GTF2A2: variants seen among roughly 807,000 people sequenced by gnomAD.
GTF2A2 encodes general transcription factor IIA subunit 2.
A neutral mutation model predicts 14.3 loss-of-function variants in GTF2A2; 9 were observed. The ratio of observed to expected loss-of-function variants is 0.63; its 90% CI spans 0.38 to 1.10. The LOEUF is 1.10. GTF2A2 is among the 50% of genes least tolerant of loss of function. The pLI, the probability that GTF2A2 is intolerant of heterozygous loss-of-function variation, is 0.01. For missense variants in GTF2A2, 90 were observed against 124.6 expected (o/e 0.72, Z 1.32); for synonymous variants, 56 against 46.0 (o/e 1.22, Z -0.88).
intron 3 of GTF2A2, among the ~76,000 whole-genome samples, chr15:59,643,328 C>A (rs1891495079): frequency 6.6e-6 from 1 of 151,904 alleles, no homozygotes; most frequent in Admixed American, 6.6e-5. Flanking sequence ...GATCTGCCCG[C>A]CGTGGCCTCC....
intron 3 of GTF2A2, among the ~76,000 whole-genome samples, chr15:59,644,580 G>A (rs954908886): frequency 2.0e-5 from 3 of 152,214 alleles, no homozygotes; most frequent in South Asian, 2.1e-4. Context: ...AGGTAAATAC[G>A]TAGTATAACA....
In GTF2A2 at chr15:59,640,788, T is replaced by C. The variant is rs1469668992; in HGVS notation, c.304+1348A>G. Among the ~76,000 whole-genome samples the C allele has an allele frequency of 3.3e-5, 5 of 152,272 alleles. No homozygotes were observed. In the East Asian group the frequency reaches 7.7e-4, roughly 23 times the overall value. On this transcript the variant is annotated intron_variant, in intron 4 of 4. Coordinates refer to ENST00000396060, the MANE Select transcript of GTF2A2 (RefSeq NM_004492.3). ...AAAAAATTGTACACAATTTCAAATA[T>C]AGAAATGTTATCTTGTGATTCAGGA...
At chr15:59,645,899 T>C (rs1346013044) in intron 3 of GTF2A2, among the ~76,000 whole-genome samples, 1 of 151,926 alleles carries the variant, frequency 6.6e-6, no homozygotes, top group Non-Finnish European at 1.5e-5. Context: ...ACGGGCATGA[T>C]GGTGGGTGCC....
At chr15:59,648,401 C>CAAAAAAAAAAAAAAAAAA (rs71425875) in intron 3 of GTF2A2, among the ~76,000 whole-genome samples, 2 of 90,568 alleles carry the variant, frequency 2.2e-5, no homozygotes, top group Non-Finnish European at 2.0e-5. Context: ...GACTTCGTCT[C>CAAAAAAAAAAAAAAAAAA]AAAAAAAAAA....
chr15:59,638,967 A>ATGTAAGAGGCTACAGAGTTACAAGTTTC lies in GTF2A2; in HGVS notation c.*137_*164dup. On this transcript the variant is annotated 3_prime_UTR_variant, in exon 5 of 5. Transcript: ENST00000396060. ...TTTTTCATGCTGTATAATAAAGGTG[A>ATGTAAGAGGCTACAGAGTTACAAGTTTC]TGTAAGAGGCTACAGAGTTACAAGT... is the stretch of plus-strand genomic sequence containing the variant. 3 of 604,590 alleles carry ATGTAAGAGGCTACAGAGTTACAAGTTTC rather than the reference A, an allele frequency of 5.0e-6. No homozygotes were observed. The highest frequency in any genetic ancestry group is 9.1e-6 in the Non-Finnish European group (3 of 331,470). The allele number at this position is 604,590 out of a possible 1,614,324, so 37.5% of individuals were successfully genotyped here.
In GTF2A2 at chr15:59,652,448, TTAC is replaced by T. The variant is rs565792683; in HGVS notation, c.-49-125_-49-123del. 48 of 533,718 alleles carry T rather than the reference TTAC, an allele frequency of 9.0e-5. 1 individual carries two copies. The South Asian group carries it at 1.2e-3, about 13-fold the overall frequency. 33.1% of individuals were successfully genotyped at this position (533,718 alleles called of 1,614,324 possible). The stretch of plus-strand genomic sequence containing the variant: ...TAGGAGAACGCTTAGTGGTTGCACA[TTAC>T]TAGATAATCATTTTAGAATTACAAG... On this transcript the variant is annotated intron_variant, in intron 1 of 4. Transcript: ENST00000396060.
At chr15:59,649,900 T>C (rs1256204444) in intron 3 of GTF2A2, among the ~76,000 whole-genome samples, 1 of 152,232 alleles carries the variant, frequency 6.6e-6, no homozygotes, top group East Asian at 1.9e-4. Flanking sequence ...TAACTAATGA[T>C]CAAATTTTGG....
chr15:59,656,505 G>A (rs1016052981), intron 1 of GTF2A2, among the ~76,000 whole-genome samples: 1 of 151,296 alleles, frequency 6.6e-6, no homozygotes. Context: ...TAGAATGTAA[G>A]CTCCATGAGG....
chr15:59,639,359 T>C (rs1439244609), intron 4 of GTF2A2, among the ~76,000 whole-genome samples: 1 of 152,162 alleles, frequency 6.6e-6, no homozygotes, highest in Non-Finnish European at 1.5e-5. Context: ...GATACAAAGA[T>C]GCTTAGCTCC....
intron 2 of GTF2A2, chr15:59,651,383 G>A (rs1323520018): frequency 1.3e-5 from 2 of 152,348 alleles, no homozygotes; most frequent in Non-Finnish European, 2.9e-5. Context: ...CTCCATGTTG[G>A]TCAGGCTGGT....
In GTF2A2 at chr15:59,648,036, C is replaced by T. The variant is rs558860030; in HGVS notation, c.177+2633G>A. ...CTTTTAACGCTTGTTAATTACTGTT[C>T]GAGGCTCAACACTATAAAGTAACCA... On this transcript the variant is annotated intron_variant, in intron 3 of 4. Coordinates refer to ENST00000396060, the MANE Select transcript of GTF2A2 (RefSeq NM_004492.3). Among the ~76,000 whole-genome samples the T allele has an allele frequency of 1.6e-3, 243 of 152,110 alleles. 1 individual carries two copies. Among genetic ancestry groups the T allele is most frequent in the African/African-American group, 5.5e-3 (227 of 41,480 alleles).
At chr15:59,641,210 G>T (rs1188847509) in intron 4 of GTF2A2, among the ~76,000 whole-genome samples, 10 of 122,914 alleles carry the variant, frequency 8.1e-5, no homozygotes, top group African/African-American at 3.2e-4. Flanking sequence ...TAAGGCTTAA[G>T]AGTAGTAAAC....
At chr15:59,651,677 T>G (rs1159267275) in intron 2 of GTF2A2, 1 of 152,116 alleles carries the variant, frequency 6.6e-6, no homozygotes. Flanking sequence ...TGAACAAAAA[T>G]TTTTGAAGAT....
At chr15:59,643,657 G>A (rs1049298297) in intron 3 of GTF2A2, among the ~76,000 whole-genome samples, 5 of 148,954 alleles carry the variant, frequency 3.4e-5, no homozygotes, top group Non-Finnish European at 5.9e-5. Context: ...GAGGGCAGGG[G>A]TGTAATCTCA....
At position 59,639,171 on chromosome 15, in the gene GTF2A2, GAGAAAGT is replaced by G; in HGVS notation, c.305-21_305-15del. On this transcript the variant is annotated splice_polypyrimidine_tract_variant and intron_variant, in intron 4 of 4. Transcript: ENST00000396060. Reference sequence around the variant, plus strand: ...TGGAGCCAGTATCTAGGAAACAAAAGAGAAAGTAAAGTAAAGTAAATTCAAGGAGCAA... The same window carrying G: ...TGGAGCCAGTATCTAGGAAACAAAAGAAAGTAAAGTAAATTCAAGGAGCAA... 2 of 1,429,406 alleles carry G rather than the reference GAGAAAGT, an allele frequency of 1.4e-6. No individual in the cohort carries two copies. The highest frequency in any genetic ancestry group is 2.0e-6 in the Non-Finnish European group (2 of 1,016,752). The allele number at this position is 1,429,406 out of a possible 1,614,324, so 88.5% of individuals were successfully genotyped here. A position where few individuals can be genotyped will look rare whatever the true frequency, so the allele number is the denominator to read the frequency against.
chr15:59,640,695 C>G (rs1338993402), intron 4 of GTF2A2, among the ~76,000 whole-genome samples: 1 of 152,000 alleles, frequency 6.6e-6, no homozygotes, highest in African/African-American at 2.4e-5. Flanking sequence ...AAATTAATCC[C>G]TGAATTCTAC....
In GTF2A2 at chr15:59,638,900, C is replaced by A; in HGVS notation, c.*232G>T. 2.3e-6 allele frequency: 1 copy of A among 441,256 alleles called. No individual in the cohort carries two copies. Among genetic ancestry groups the A allele is most frequent in the Non-Finnish European group, 4.1e-6 (1 of 243,822 alleles). 27.3% of individuals were successfully genotyped at this position (441,256 alleles called of 1,614,324 possible). ...TAAAATGAGTTTATTAAAGAAGGTTCTTAGGAAGGCAACAACTTTTGTCCT... is the reference window on the plus strand; with the variant it reads ...TAAAATGAGTTTATTAAAGAAGGTTATTAGGAAGGCAACAACTTTTGTCCT... On this transcript the variant is annotated 3_prime_UTR_variant, in exon 5 of 5. Coordinates refer to ENST00000396060, the MANE Select transcript of GTF2A2 (RefSeq NM_004492.3).
At chr15:59,644,989 G>T (rs1469017799) in intron 3 of GTF2A2, among the ~76,000 whole-genome samples, 2 of 152,186 alleles carry the variant, frequency 1.3e-5, no homozygotes, top group African/African-American at 4.8e-5. Flanking sequence ...TGTTAGCTGG[G>T]TGAATCAGAG....
intron 4 of GTF2A2, among the ~76,000 whole-genome samples, chr15:59,640,591 G>A (rs1210970058): frequency 6.6e-6 from 1 of 152,094 alleles, no homozygotes; most frequent in South Asian, 2.1e-4. Context: ...AGTGGCTATT[G>A]GAAAATGCAA....
Sources: allele counts gnomAD v4.1 joint callset (sites outside exome capture counted in the v4.1 genomes callset), GRCh38; gene constraint gnomAD v4.1.1; transcripts MANE v1.5; gene names NCBI Gene and HGNC (gene_info 2026-07-23, HGNC 2026-07-21).